Variants in PM20D2 observed in about 807,000 individuals in gnomAD.
The protein encoded by PM20D2 is peptidase M20 domain containing 2, also known as xaa-Arg dipeptidase.
PM20D2 carries 33 observed loss-of-function variants against 42.9 expected under a neutral mutation model. The ratio of observed to expected loss-of-function variants is 0.77; its 90% CI spans 0.58 to 1.03. The LOEUF is 1.03. Ranked by LOEUF, PM20D2 falls within the 50% of genes least tolerant of loss-of-function variation. The pLI is 0.00. For synonymous variants in PM20D2, 250 were observed against 228.2 expected, an observed-to-expected ratio of 1.10 and a Z score of -0.86; for missense variants, 548 against 557.0, an observed-to-expected ratio of 0.98 and a Z score of 0.16.
At chr6:89,133,245 A>G in the PM20D2 span, among the ~76,000 whole-genome samples, 18 of 151,056 alleles carry the variant, frequency 1.2e-4, no homozygotes, top group African/African-American at 4.5e-4. Flanking sequence ...ATAAAATAAA[A>G]TAAGATAAAA....
the PM20D2 span, chr6:89,097,428 T>C: frequency 6.6e-6 from 1 of 152,218 alleles, no homozygotes. Context: ...TCAATAAAGT[T>C]ATTTGGCTGT....
chr6:89,119,980 G>A, the PM20D2 span, among the ~76,000 whole-genome samples: 3 of 152,170 alleles, frequency 2.0e-5, no homozygotes, highest in Admixed American at 2.0e-4. Flanking sequence ...ACCCAAGACT[G>A]GGGAGGCCTC....
intron 1 of PM20D2, among the ~76,000 whole-genome samples, chr6:89,147,029 C>T (rs569666071): frequency 1.6e-4 from 24 of 152,252 alleles, no homozygotes; most frequent in African/African-American, 5.5e-4. Context: ...CCTTTTTATT[C>T]GTCTCCAAAT....
chr6:89,131,067 G>A, the PM20D2 span, among the ~76,000 whole-genome samples: 2 of 151,926 alleles, frequency 1.3e-5, no homozygotes, highest in Non-Finnish European at 2.9e-5. Flanking sequence ...TACAGGCCTT[G>A]CTGGTGGAAC....
the PM20D2 span, chr6:89,098,323 T>C: frequency 1.5e-5 from 5 of 335,286 alleles, no homozygotes; most frequent in East Asian, 3.0e-4. Flanking sequence ...CCTTGAAAAG[T>C]ACCCTTCTGC....
the PM20D2 span, among the ~76,000 whole-genome samples, chr6:89,123,910 G>T: frequency 6.6e-6 from 1 of 151,964 alleles, no homozygotes; most frequent in Non-Finnish European, 1.5e-5. Context: ...GGTGGAGTGT[G>T]CCTGTAGTCC....
At chr6:89,160,228 G>C (rs1458432269) in intron 5 of PM20D2, among the ~76,000 whole-genome samples, 1 of 152,154 alleles carries the variant, frequency 6.6e-6, no homozygotes, top group Non-Finnish European at 1.5e-5. Context: ...TTCTGAAGCA[G>C]TACTTCTATA....
chr6:89,141,897 G>A (rs558894767), upstream of PM20D2, among the ~76,000 whole-genome samples: 149 of 152,174 alleles, frequency 9.8e-4, no homozygotes, highest in Admixed American at 6.2e-3. Flanking sequence ...TTGACCTCCC[G>A]GGCTCAAGCG....
the PM20D2 span, among the ~76,000 whole-genome samples, chr6:89,112,681 G>C: frequency 6.6e-6 from 1 of 151,642 alleles, no homozygotes; most frequent in Admixed American, 6.6e-5. Flanking sequence ...CAAAGCACTG[G>C]GATTACAAGC....
rs1770551199 is a variant in PM20D2, at chr6:89,146,360, G to A, written c.216G>A (p.Ala72=). The A allele has an allele frequency of 1.3e-6, 2 of 1,546,546 alleles. No individual in the cohort carries two copies. Among genetic ancestry groups the A allele is most frequent in the East Asian group, 4.8e-5 (2 of 41,882 alleles). The change falls in exon 1 of 7, where the codon GCG becomes GCA. Residue 72 remains alanine (A), a synonymous_variant. Coordinates refer to ENST00000275072, the MANE Select transcript of PM20D2 (RefSeq NM_001010853.3). ...LTHFFEREPP[A]ASWAVQPHYQ... is the part of the protein sequence containing the mutation. ...ACTTCTTCGAGCGGGAGCCGCCCGCGGCCTCCTGGGCAGTGCAGCCGCACT... is the reference window on the plus strand; with the variant it reads ...ACTTCTTCGAGCGGGAGCCGCCCGCAGCCTCCTGGGCAGTGCAGCCGCACT...
At chr6:89,114,117 C>G in the PM20D2 span, among the ~76,000 whole-genome samples, 2 of 152,126 alleles carry the variant, frequency 1.3e-5, no homozygotes, top group African/African-American at 2.4e-5. Flanking sequence ...GATTTCTCAT[C>G]GGTAAAATGG....
At chr6:89,121,733 C>T in the PM20D2 span, among the ~76,000 whole-genome samples, 1 of 152,130 alleles carries the variant, frequency 6.6e-6, no homozygotes, top group Non-Finnish European at 1.5e-5. Flanking sequence ...GTTCCCATAA[C>T]AAAAGCCTCA....
At chr6:89,161,614 G>C (rs1421492462) in intron 5 of PM20D2, among the ~76,000 whole-genome samples, 169 bp from the exon 6 acceptor site, 1 of 152,140 alleles carries the variant, frequency 6.6e-6, no homozygotes, top group East Asian at 1.9e-4. Context: ...ACAGGGGAGT[G>C]GGTGGCAGAC....
the PM20D2 span, chr6:89,107,029 T>C: frequency 9.8e-7 from 1 of 1,016,902 alleles, no homozygotes; most frequent in Admixed American, 2.0e-5. Context: ...TTAGATCTTC[T>C]GAGATAAAGA....
At chr6:89,103,385 G>A in the PM20D2 span, among the ~76,000 whole-genome samples, 1 of 151,076 alleles carries the variant, frequency 6.6e-6, no homozygotes, top group South Asian at 2.1e-4. Flanking sequence ...CTGGAGAGCA[G>A]TGGCGTGATC....
At chr6:89,127,878 A>G in the PM20D2 span, among the ~76,000 whole-genome samples, 2 of 152,238 alleles carry the variant, frequency 1.3e-5, no homozygotes, top group Admixed American at 1.3e-4. Flanking sequence ...ATGGACATTT[A>G]TCAATTCCCA....
At position 89,153,162 on chromosome 6, in the gene PM20D2, T is replaced by C. The variant is rs553844483; in HGVS notation, c.734T>C (p.Met245Thr). ...AATCTGTCTGTGTTCAGACAGCAAA[T>C]GAAACCAACCTGGAGAGTTCATGGT... Reference protein sequence around the residue: ...YNNLSVFRQQMKPTWRVHGII... With the variant: ...YNNLSVFRQQTKPTWRVHGII... The change falls in exon 3 of 7, where the codon ATG (methionine) becomes ACG (threonine). Residue 245 changes from methionine to threonine, a missense_variant. Transcript: ENST00000275072. 1 of 1,607,766 alleles carries C rather than the reference T, an allele frequency of 6.2e-7. No homozygotes were observed. Among genetic ancestry groups the C allele is most frequent in the African/African-American group, 1.3e-5 (1 of 74,848 alleles).
chr6:89,103,082 T>C, the PM20D2 span, among the ~76,000 whole-genome samples: 1 of 151,954 alleles, frequency 6.6e-6, no homozygotes, highest in Admixed American at 6.6e-5. Context: ...GTTTTTAAAA[T>C]GAGAAAAACT....
the PM20D2 span, among the ~76,000 whole-genome samples, chr6:89,123,347 CATA>C: frequency 0.015 from 2,358 of 152,202 alleles, 58 homozygotes; most frequent in African/African-American, 0.052. Context: ...ACTTCTTTAC[CATA>C]ATATGTTTAC....
Sources: allele counts gnomAD v4.1 joint callset (sites outside exome capture counted in the v4.1 genomes callset), GRCh38; gene constraint gnomAD v4.1.1; transcripts MANE v1.5; gene names NCBI Gene and HGNC (gene_info 2026-07-23, HGNC 2026-07-21).